Variants in SYNE1 observed in about 807,000 individuals in gnomAD.
SYNE1 encodes spectrin repeat containing nuclear envelope protein 1.
Under a neutral mutation model 1,111.0 loss-of-function variants are expected in SYNE1, and 616 were observed. That is an observed-to-expected ratio of 0.55 (90% CI 0.52 to 0.59). The LOEUF (loss-of-function observed/expected upper bound fraction) is 0.59, where lower values mean the gene tolerates loss of function less well. SYNE1 is among the 20% of genes least tolerant of loss of function. SYNE1 has a pLI of 0.00. For missense variants in SYNE1, 10,006 were observed against 10,417.0 expected, an observed-to-expected ratio of 0.96 and a Z score of 1.72; for synonymous variants, 3,855 against 3,825.8, an observed-to-expected ratio of 1.01 and a Z score of -0.28.
chr6:152,330,663 C>T lies in SYNE1; in HGVS notation c.14022G>A (p.Lys4674=). ...TCAACTCAATCAAGGAAGCATATTC[C>T]TTCCGAGCAAGAATTGCTTCCTGGA... ...YKVQEAILAR[K]EYASLIELTT... Residue 4674 remains lysine, a synonymous_variant, in exon 78 of 146, where the codon AAG becomes AAA. Coordinates refer to ENST00000367255, the MANE Select transcript of SYNE1 (RefSeq NM_182961.4). 6.2e-7 allele frequency: 1 copy of T among 1,613,890 alleles called. No homozygotes were observed. The highest frequency in any genetic ancestry group is 1.3e-5 in the African/African-American group (1 of 75,036).
intron 5 of SYNE1, among the ~76,000 whole-genome samples, chr6:152,522,650 G>A (rs970707146): frequency 1.3e-5 from 2 of 152,128 alleles, no homozygotes; most frequent in African/African-American, 4.8e-5. Context: ...CATAAAGGTT[G>A]TATTAATTTA....
At chr6:152,364,800 A>G (rs536834697) in intron 63 of SYNE1, 47 bp downstream of exon 63, 1 of 1,613,224 alleles carries the variant, frequency 6.2e-7, no homozygotes, top group Non-Finnish European at 8.5e-7. Context: ...TATTATATTG[A>G]TCTTTTAGTA....
chr6:152,442,412 T>C (rs1485969711), intron 30 of SYNE1, among the ~76,000 whole-genome samples, 167 bp from the exon 31 acceptor site: 2 of 152,206 alleles, frequency 1.3e-5, no homozygotes, highest in Non-Finnish European at 1.5e-5. Context: ...TAGTCAAAGA[T>C]GAACATTATT....
Position 152,131,995 on chromosome 6 carries a change from G to A in SYNE1, c.26094+127C>T, listed in dbSNP as rs116165482. On this transcript the variant is annotated intron_variant, in intron 144 of 145. Transcript: ENST00000367255. ...GGATGTGGCAGGGCTGAGGAAGCGC[G>A]CTACCCTGTGTGACAGCCCTCCTCT... 1.4e-3 allele frequency: 1,131 copies of A among 788,134 alleles called. 17 individuals are homozygous for A. In the African/African-American group the frequency reaches 0.018, roughly 12 times the overall value. The allele number at this position is 788,134 out of a possible 1,614,324, so 48.8% of individuals were successfully genotyped here. A position where few individuals can be genotyped will look rare whatever the true frequency, so the allele number is the denominator to read the frequency against.
At chr6:152,517,429 C>G (rs2099117584) in intron 6 of SYNE1, among the ~76,000 whole-genome samples, 1 of 152,208 alleles carries the variant, frequency 6.6e-6, no homozygotes, top group African/African-American at 2.4e-5. Context: ...ATGGTAATAT[C>G]TACCAGAATT....
chr6:152,339,469 G>C (rs936020668), intron 74 of SYNE1, 103 bp from the exon 75 acceptor site: 2 of 1,498,196 alleles, frequency 1.3e-6, no homozygotes, highest in Non-Finnish European at 1.8e-6. Context: ...AAATAGTCTT[G>C]CTATGCTCAG....
intron 141 of SYNE1, 111 bp from the exon 142 acceptor site, chr6:152,135,343 C>T (rs2056810663): frequency 4.3e-6 from 5 of 1,163,016 alleles, no homozygotes; most frequent in South Asian, 4.1e-5. Flanking sequence ...TAAGAACATA[C>T]ATGCAACTCC....
At chr6:152,332,866 C>T (rs1363145846) in intron 77 of SYNE1, among the ~76,000 whole-genome samples, 2 of 152,078 alleles carry the variant, frequency 1.3e-5, no homozygotes, top group Non-Finnish European at 2.9e-5. Flanking sequence ...GTATGAAAAG[C>T]AGGGTTGGGA....
chr6:152,365,507 T>G (rs751129382), intron 62 of SYNE1, among the ~76,000 whole-genome samples: 27 of 152,202 alleles, frequency 1.8e-4, no homozygotes, highest in Non-Finnish European at 4.4e-5. Context: ...TCTCCCAGGC[T>G]TCAGTGCAGT....
intron 100 of SYNE1, among the ~76,000 whole-genome samples, chr6:152,265,177 G>A (rs1192158677): frequency 7.4e-6 from 1 of 135,750 alleles, no homozygotes. Flanking sequence ...CTGCACTCCA[G>A]CCTGGGCAAC....
rs1042274520 is a variant in SYNE1 at position 152,122,404 on chromosome 6, A to G, written c.*32T>C. 1 of 1,613,764 alleles carries G rather than the reference A, an allele frequency of 6.2e-7. No individual in the cohort carries two copies. Among genetic ancestry groups the G allele is most frequent in the African/African-American group, 1.3e-5 (1 of 74,914 alleles). The stretch of plus-strand genomic sequence containing the variant: ...CTTATGACCCGATCCTCCTTATGCT[A>G]CCAGCACTTCTGCAGATGGCATCTG... On this transcript the variant is annotated 3_prime_UTR_variant, in exon 146 of 146. Transcript: ENST00000367255.
chr6:152,373,370 T>C, intron 58 of SYNE1, 151 bp from the exon 59 acceptor site: 1 of 710,088 alleles, frequency 1.4e-6, no homozygotes, highest in Non-Finnish European at 2.3e-6. Context: ...GCCTCCGTCT[T>C]CTGCGTTCAA....
intron 40 of SYNE1, among the ~76,000 whole-genome samples, chr6:152,418,873 T>C (rs2098209914): frequency 6.6e-6 from 1 of 152,162 alleles, no homozygotes; most frequent in African/African-American, 2.4e-5. Flanking sequence ...AAGACAGCCT[T>C]TGTTCACAGT....
chr6:152,389,077 TAAC>T (rs1330949411), intron 53 of SYNE1, among the ~76,000 whole-genome samples: 2 of 143,128 alleles, frequency 1.4e-5, no homozygotes, highest in South Asian at 4.2e-4. Flanking sequence ...ACAACAATAA[TAAC>T]AACAACAAAA....
In SYNE1 at chr6:152,381,009, T is replaced by C. The variant is rs2097404660; in HGVS notation, c.9006A>G (p.Gly3002=). ...AGAAAACAGGAAGCCAACTTACTTG[T>C]CCTTTGTGCCAGCATTCCACTATCT... The part of the protein sequence containing the change: ...DEEIVECWHK[G]QEILDALQKA... Residue 3002 remains glycine, a synonymous_variant, in exon 56 of 146, where the codon GGA becomes GGG. Coordinates refer to ENST00000367255, the MANE Select transcript of SYNE1 (RefSeq NM_182961.4). The C allele has an allele frequency of 1.2e-6, 2 of 1,614,074 alleles. No homozygotes were observed. Among genetic ancestry groups the C allele is most frequent in the African/African-American group, 2.7e-5 (2 of 75,046 alleles).
At position 152,295,012 on chromosome 6, in the gene SYNE1, A is replaced by G. The variant is rs1562856296; in HGVS notation, c.17683-885T>C. On this transcript the variant is annotated intron_variant, in intron 93 of 145. Coordinates refer to ENST00000367255, the MANE Select transcript of SYNE1 (RefSeq NM_182961.4). Reference sequence around the variant, plus strand: ...TTAAAATACCTGAGTCTTATTGAGAATCATGTATTGGTAAAAAGTATTGAA... The same window carrying G: ...TTAAAATACCTGAGTCTTATTGAGAGTCATGTATTGGTAAAAAGTATTGAA... Among the ~76,000 whole-genome samples the G allele has an allele frequency of 2.0e-5, 3 of 152,186 alleles. No homozygotes were observed. The East Asian group carries it at 5.8e-4, about 29-fold the overall frequency.
chr6:152,383,519 C>T (rs954786425), intron 55 of SYNE1, among the ~76,000 whole-genome samples: 10 of 152,100 alleles, frequency 6.6e-5, no homozygotes, highest in South Asian at 4.2e-4. Context: ...CCTGTGATGG[C>T]GACCACCTTC....
Position 152,381,131 on chromosome 6 carries a change from C to T in SYNE1, c.8884G>A (p.Val2962Met). The change falls in exon 56 of 146, where the codon GTG becomes ATG. Residue 2962 changes from valine (V) to methionine (M), a missense_variant. Physicochemically the swap from Val to Met is conservative, Grantham distance 21 (BLOSUM62 1). This residue lies in a region of SYNE1 where 4,955 missense variants were observed against 5,017.2 expected (regional missense o/e 0.99). Coordinates refer to ENST00000367255, the MANE Select transcript of SYNE1 (RefSeq NM_182961.4). Reference protein sequence around the residue: ...ALSEQEFSGQVAQLEQALEQF... With the variant: ...ALSEQEFSGQMAQLEQALEQF... ...TCCAGGGCCTGCTCCAGTTGAGCCA[C>T]TTGGCCTGAGAATTCCTGCTCCGAA... 1 of 1,614,186 alleles carries T rather than the reference C, an allele frequency of 6.2e-7. No homozygotes were observed. Among genetic ancestry groups the T allele is most frequent in the South Asian group, 1.1e-5 (1 of 91,084 alleles).
intron 130 of SYNE1, among the ~76,000 whole-genome samples, chr6:152,165,445 T>C (rs1418432891): frequency 1.3e-5 from 2 of 152,202 alleles, no homozygotes; most frequent in Non-Finnish European, 2.9e-5. Flanking sequence ...GGATTTTCAC[T>C]ATGGTCAGCT....
Sources: allele counts gnomAD v4.1 joint callset (sites outside exome capture counted in the v4.1 genomes callset), GRCh38; gene constraint gnomAD v4.1.1; regional missense constraint gnomAD v4.1.1; transcripts MANE v1.5; gene names NCBI Gene and HGNC (gene_info 2026-07-23, HGNC 2026-07-21).